Variants in ASH2L observed in about 807,000 individuals in gnomAD.
ASH2L encodes the protein ASH2 like, histone lysine methyltransferase complex subunit.
ASH2L carries 30 observed loss-of-function variants against 81.1 expected under a neutral mutation model. The observed-to-expected ratio is 0.37, with a 90% CI of 0.28 to 0.50. The LOEUF (loss-of-function observed/expected upper bound fraction) is 0.50. ASH2L is among the 20% of genes least tolerant of loss of function. ASH2L has a pLI of 0.95. For synonymous variants in ASH2L, 273 were observed against 279.9 expected, an observed-to-expected ratio of 0.98 and a Z score of 0.24; for missense variants, 559 against 792.1, an observed-to-expected ratio of 0.71 and a Z score of 3.53.
Position 38,114,903 on chromosome 8 carries a change from A to T in ASH2L, c.682-2A>T. 1 of 1,579,200 alleles carries T rather than the reference A, an allele frequency of 6.3e-7. No individual in the cohort carries two copies. The highest frequency in any genetic ancestry group is 8.7e-7 in the Non-Finnish European group (1 of 1,149,164). ...TAATAGTAAAACACTACTTCTTTTT[A>T]GAGTAAAGAAAGAGATGTATTCTTG... On this transcript the variant is annotated splice_acceptor_variant, in intron 6 of 15. Transcript: ENST00000343823. LOFTEE classifies it high-confidence loss of function.
In ASH2L at chr8:38,121,347, A is replaced by T. The variant is rs1160881313; in HGVS notation, c.1165+198A>T. ...AGCCGTTTTATTTATATATATATAT[A>T]TATATATATATATATATATATATAT... On this transcript the variant is annotated intron_variant, in intron 10 of 15. Coordinates refer to ENST00000343823, the MANE Select transcript of ASH2L (RefSeq NM_004674.5). Among the ~76,000 whole-genome samples the T allele has an allele frequency of 6.1e-4, 72 of 118,258 alleles. 1 individual carries two copies. Among genetic ancestry groups the T allele is most frequent in the African/African-American group, 1.6e-3 (51 of 31,122 alleles). The allele number at this position is 118,258 out of a possible 152,430, so 77.6% of individuals were successfully genotyped here. A position where few individuals can be genotyped will look rare whatever the true frequency, so the allele number is the denominator to read the frequency against.
intron 4 of ASH2L, 55 bp downstream of exon 4, chr8:38,110,522 G>A (rs923420341): frequency 1.3e-6 from 2 of 1,520,014 alleles, no homozygotes; most frequent in African/African-American, 1.4e-5. Flanking sequence ...AAAGAAAAGG[G>A]ATCTGGGCGT....
chr8:38,133,844 C>T (rs995769977), intron 13 of ASH2L, among the ~76,000 whole-genome samples: 2 of 151,970 alleles, frequency 1.3e-5, no homozygotes, highest in Non-Finnish European at 2.9e-5. Flanking sequence ...TCATTGAGAA[C>T]GGGCCATGAT....
At chr8:38,136,797 A>C (rs1421672445) in intron 14 of ASH2L, among the ~76,000 whole-genome samples, 1 of 150,826 alleles carries the variant, frequency 6.6e-6, no homozygotes, top group Non-Finnish European at 1.5e-5. Flanking sequence ...GAAAGAAAAG[A>C]AAAGAAAACT....
chr8:38,122,394 C>G (rs533816817), intron 10 of ASH2L: 1 of 152,210 alleles, frequency 6.6e-6, no homozygotes, highest in East Asian at 1.9e-4. Context: ...CCATATATCA[C>G]ATATACGAAA....
intron 10 of ASH2L, chr8:38,124,187 C>T (rs573176550): frequency 1.3e-5 from 2 of 151,894 alleles, no homozygotes; most frequent in Non-Finnish European, 2.9e-5. Context: ...TATATATAGT[C>T]TTTGCTCCAT....
chr8:38,105,603 C>G lies in ASH2L; in HGVS notation c.53C>G (p.Pro18Arg), dbSNP rs199684478. The G allele has an allele frequency of 6.2e-7, 1 of 1,600,442 alleles. No homozygotes were observed. The highest frequency in any genetic ancestry group is 1.1e-5 in the South Asian group (1 of 89,588). The change falls in exon 1 of 16, where the codon CCA becomes CGA. Residue 18 changes from proline to arginine, a missense_variant. Transcript: ENST00000343823. ...PGQEAGAGPG[P>R]GAVANATGAE... ...CAGGAAGCGGGTGCCGGGCCTGGCC[C>G]AGGAGCGGTCGCAAATGCAACAGGG...
intron 6 of ASH2L, 30 bp from the exon 7 acceptor site, chr8:38,114,875 C>T (rs753958107): frequency 7.2e-7 from 1 of 1,388,286 alleles, no homozygotes; most frequent in Non-Finnish European, 1.0e-6. Flanking sequence ...ATAAAATGTT[C>T]ATTAATAGTA....
intron 3 of ASH2L, among the ~76,000 whole-genome samples, chr8:38,109,650 G>C (rs1810600924): frequency 6.6e-6 from 1 of 152,134 alleles, no homozygotes; most frequent in South Asian, 2.1e-4. Context: ...CCTTCAAATA[G>C]GCAAGTCTTC....
At chr8:38,131,339 T>A (rs553845425) in intron 12 of ASH2L, among the ~76,000 whole-genome samples, 151 of 151,980 alleles carry the variant, frequency 9.9e-4, no homozygotes, top group East Asian at 2.9e-3. Flanking sequence ...ACAAAAAAAA[T>A]TTTTTTTCCT....
intron 10 of ASH2L, among the ~76,000 whole-genome samples, chr8:38,121,487 C>T (rs1167920143): frequency 6.6e-6 from 1 of 150,996 alleles, no homozygotes; most frequent in Non-Finnish European, 1.5e-5. Context: ...TCTTAGAAAA[C>T]CATAGTACAG....
intron 10 of ASH2L, among the ~76,000 whole-genome samples, chr8:38,125,243 CTGTT>C (rs1384150182): frequency 4.6e-5 from 7 of 152,184 alleles, no homozygotes; most frequent in Non-Finnish European, 5.9e-5. Flanking sequence ...TTTGCTTTAT[CTGTT>C]TATTTCTTTT....
chr8:38,138,457 C>T lies in ASH2L; in HGVS notation c.1720-359C>T, dbSNP rs113093487. 1.4e-4 allele frequency: 29 copies of T among 210,916 alleles called. 1 individual carries two copies. The highest frequency in any genetic ancestry group is 5.6e-4 in the African/African-American group (24 of 42,656). The allele number at this position is 210,916 out of a possible 1,614,324, so 13.1% of individuals were successfully genotyped here. A position where few individuals can be genotyped will look rare whatever the true frequency, so the allele number is the denominator to read the frequency against. On this transcript the variant is annotated intron_variant, in intron 14 of 15. Transcript: ENST00000343823. ...GGTAAGGTGAACATAAAGTAGCTGCCTGTGGGGATATTTAACGTTTTATCT... is the reference window on the plus strand; with the variant it reads ...GGTAAGGTGAACATAAAGTAGCTGCTTGTGGGGATATTTAACGTTTTATCT...
intron 10 of ASH2L, among the ~76,000 whole-genome samples, chr8:38,125,369 C>T (rs1274023584): frequency 6.6e-6 from 1 of 152,098 alleles, no homozygotes; most frequent in Non-Finnish European, 1.5e-5. Context: ...GCCTGTAATC[C>T]CAGCACTTTG....
intron 13 of ASH2L, 80 bp downstream of exon 13, chr8:38,133,626 C>G (rs141379606): frequency 2.6e-4 from 298 of 1,145,368 alleles, no homozygotes; most frequent in Admixed American, 3.3e-4. Flanking sequence ...AAGTGAGGAA[C>G]ACGAGGCCCA....
Position 38,119,670 on chromosome 8 carries a change from T to C in ASH2L, c.947+307T>C, listed in dbSNP as rs190673854. ...AAAATACAAAATTAGGCAGGTGTAG[T>C]GGTGAGCGCCTGTAATCCCAGCTAC... On this transcript the variant is annotated intron_variant, in intron 9 of 15. Transcript: ENST00000343823. Among the ~76,000 whole-genome samples, 1,477 of 151,852 alleles carry C rather than the reference T, an allele frequency of 9.7e-3. 36 individuals carry two copies. Among genetic ancestry groups the C allele is most frequent in the African/African-American group, 0.033 (1,360 of 41,382 alleles).
chr8:38,107,199 C>T (rs1810473283), intron 3 of ASH2L, 33 bp downstream of exon 3: 1 of 1,610,254 alleles, frequency 6.2e-7, no homozygotes, highest in South Asian at 1.1e-5. Flanking sequence ...GTGAGAATTG[C>T]TCGGTAAAAT....
chr8:38,117,320 C>G lies in ASH2L; in HGVS notation c.853+595C>G, dbSNP rs373155485. 53 of 381,958 alleles carry G rather than the reference C, an allele frequency of 1.4e-4. No homozygotes were observed. In the East Asian group the frequency reaches 3.8e-3, roughly 27 times the overall value. The allele number at this position is 381,958 out of a possible 1,614,324, so 23.7% of individuals were successfully genotyped here. A position where few individuals can be genotyped will look rare whatever the true frequency, so the allele number is the denominator to read the frequency against. On this transcript the variant is annotated intron_variant, in intron 8 of 15. Transcript: ENST00000343823. ...TTTGGAGTGGTCGCGTCTTAAATAT[C>G]TGATCATTTCTACTGTTACTAATAT...
rs887448520 is a variant in ASH2L, at chr8:38,128,235, T to A, written c.1166-56T>A. 3.1e-6 allele frequency: 5 copies of A among 1,598,344 alleles called. No homozygotes were observed. The African/African-American group carries it at 5.4e-5, about 17-fold the overall frequency. Reference sequence around the variant, plus strand: ...ATTGGACTAATGTTTTTGTGGCAATTGTCCCCAAGAACCTCAAATAAGTTG... The same window carrying A: ...ATTGGACTAATGTTTTTGTGGCAATAGTCCCCAAGAACCTCAAATAAGTTG... On this transcript the variant is annotated intron_variant, in intron 10 of 15. Coordinates refer to ENST00000343823, the MANE Select transcript of ASH2L (RefSeq NM_004674.5).
Sources: gnomAD v4.1 joint callset for allele counts (sites outside exome capture counted in the v4.1 genomes callset) on GRCh38, gnomAD v4.1.1 for gene constraint, MANE v1.5 for transcripts, NCBI Gene and HGNC (gene_info 2026-07-23, HGNC 2026-07-21) for gene names.